The following DGKB variants were observed in gnomAD, a reference collection of about 807,000 sequenced individuals.
DGKB encodes the protein diacylglycerol kinase beta.
A neutral mutation model predicts 114.3 loss-of-function variants in DGKB; 67 were observed. The observed-to-expected ratio is 0.59, with a 90% confidence interval of 0.48 to 0.72. DGKB has a LOEUF of 0.72. Ranked by LOEUF, DGKB falls within the 30% of genes least tolerant of loss-of-function variation. DGKB has a pLI of 0.00. For synonymous variants in DGKB, 398 were observed against 323.1 expected, an observed-to-expected ratio of 1.23 and a Z score of -2.49; for missense variants, 907 against 975.2, an observed-to-expected ratio of 0.93 and a Z score of 0.93.
intron 23 of DGKB, among the ~76,000 whole-genome samples, chr7:14,336,786 G>A (rs1810753438): frequency 1.3e-5 from 2 of 152,252 alleles, no homozygotes; most frequent in South Asian, 2.1e-4. Context: ...GCTCCAGAGC[G>A]AGTGTACAGA....
chr7:14,189,236 A>G (rs1219220323), intron 23 of DGKB, among the ~76,000 whole-genome samples: 1 of 152,202 alleles, frequency 6.6e-6, no homozygotes, highest in Non-Finnish European at 1.5e-5. Flanking sequence ...GGAACACACC[A>G]CAGATAAAGA....
Position 14,216,955 on chromosome 7 carries a change from A to G in DGKB, c.2123-38804T>C, listed in dbSNP as rs768353240. On this transcript the variant is annotated intron_variant, in intron 23 of 25. Transcript: ENST00000402815. ...TTTTCTATACAGTTTATCAGTTTTTATGTAGTACACTGAACAAGAAAAATG... is the reference window on the plus strand; with the variant it reads ...TTTTCTATACAGTTTATCAGTTTTTGTGTAGTACACTGAACAAGAAAAATG... 9.3e-4 allele frequency among the ~76,000 whole-genome samples: 141 copies of G among 152,180 alleles called. 1 individual carries two copies. Among genetic ancestry groups the G allele is most frequent in the Middle Eastern group, 6.8e-3 (2 of 294 alleles).
chr7:14,791,981 T>C (rs750742075), intron 2 of DGKB, among the ~76,000 whole-genome samples: 1 of 152,158 alleles, frequency 6.6e-6, no homozygotes, highest in African/African-American at 2.4e-5. Context: ...CTTTATAATA[T>C]GAATTGCTGA....
chr7:14,791,690 A>T (rs1343930696), intron 2 of DGKB, among the ~76,000 whole-genome samples: 1 of 152,080 alleles, frequency 6.6e-6, no homozygotes, highest in Non-Finnish European at 1.5e-5. Context: ...TAATTATGAA[A>T]TTTTTATTTT....
intron 21 of DGKB, among the ~76,000 whole-genome samples, chr7:14,351,311 G>C (rs1195032870): frequency 6.6e-6 from 1 of 152,210 alleles, no homozygotes; most frequent in Non-Finnish European, 1.5e-5. Context: ...GCCCTGGTGG[G>C]ACCTGATTCA....
intron 23 of DGKB, among the ~76,000 whole-genome samples, chr7:14,208,002 CT>C (rs1270699701): frequency 1.3e-5 from 2 of 152,144 alleles, no homozygotes; most frequent in African/African-American, 4.8e-5. Flanking sequence ...AAGCTCTACT[CT>C]ATGATATTCT....
intron 2 of DGKB, among the ~76,000 whole-genome samples, chr7:14,774,839 T>C (rs1220250935): frequency 1.3e-5 from 2 of 152,202 alleles, no homozygotes; most frequent in African/African-American, 4.8e-5. Flanking sequence ...CCATCACAGA[T>C]TTCTTTGCAT....
intron 2 of DGKB, among the ~76,000 whole-genome samples, chr7:14,817,927 T>A (rs905632884): frequency 2.4e-5 from 3 of 125,564 alleles, no homozygotes; most frequent in Non-Finnish European, 4.8e-5. Flanking sequence ...AAGAATCAAT[T>A]CTGGTGACAA....
chr7:14,483,390 T>G (rs897273793), intron 20 of DGKB, among the ~76,000 whole-genome samples: 12 of 152,236 alleles, frequency 7.9e-5, no homozygotes, highest in African/African-American at 2.9e-4. Context: ...AAGTGTCATC[T>G]GTATCTGATT....
intron 23 of DGKB, among the ~76,000 whole-genome samples, chr7:14,296,162 G>C (rs1188478958): frequency 3.3e-5 from 5 of 151,766 alleles, no homozygotes; most frequent in Non-Finnish European, 7.4e-5. Context: ...CTCCTGAGTA[G>C]CTGGGACTAC....
chr7:14,769,281 A>AGAAAGAAAGAAAGATT (rs1460584162), intron 2 of DGKB, among the ~76,000 whole-genome samples: 6 of 149,316 alleles, frequency 4.0e-5, no homozygotes, highest in Admixed American at 2.0e-4. Context: ...AAAGAAAGAA[A>AGAAAGAAAGAAAGATT]GATTTTGTAA....
chr7:14,737,318 GT>G (rs1831877399), intron 4 of DGKB, among the ~76,000 whole-genome samples: 1 of 97,784 alleles, frequency 1.0e-5, no homozygotes, highest in Non-Finnish European at 2.0e-5. Context: ...TTTTTACCCA[GT>G]TTAATGTGCT....
chr7:14,335,998 C>T (rs2128568540), intron 23 of DGKB, among the ~76,000 whole-genome samples: 1 of 152,254 alleles, frequency 6.6e-6, no homozygotes, highest in East Asian at 1.9e-4. Flanking sequence ...CCTGCCTTGG[C>T]CTCCCAAAGT....
intron 25 of DGKB, among the ~76,000 whole-genome samples, chr7:14,170,570 G>A (rs538811313): frequency 5.3e-4 from 81 of 152,212 alleles, no homozygotes; most frequent in Non-Finnish European, 9.4e-4. Context: ...AACTTGCTGG[G>A]TCTTGAAAAA....
intron 23 of DGKB, among the ~76,000 whole-genome samples, chr7:14,216,448 G>A (rs557218895): frequency 2.6e-5 from 4 of 151,996 alleles, no homozygotes; most frequent in South Asian, 4.2e-4. Flanking sequence ...ATAGCAGGCC[G>A]GGCACAGTGG....
chr7:14,880,393 G>A (rs537206170), intron 1 of DGKB, among the ~76,000 whole-genome samples: 1 of 152,152 alleles, frequency 6.6e-6, no homozygotes, highest in Admixed American at 6.5e-5. Flanking sequence ...GGGAGGCGTA[G>A]GTTGCTCTGA....
At chr7:14,809,309 T>C (rs1197981874) in intron 2 of DGKB, among the ~76,000 whole-genome samples, 3 of 152,100 alleles carry the variant, frequency 2.0e-5, no homozygotes, top group Non-Finnish European at 1.5e-5. Flanking sequence ...ATAGTCCTAG[T>C]GCTCCTCAAT....
At chr7:14,382,473 CAT>C (rs1563066850) in intron 21 of DGKB, among the ~76,000 whole-genome samples, 1 of 151,358 alleles carries the variant, frequency 6.6e-6, no homozygotes, top group Non-Finnish European at 1.5e-5. Context: ...CACACAGACA[CAT>C]ACACACATAT....
At chr7:14,846,815 C>T (rs1347392629) in intron 1 of DGKB, among the ~76,000 whole-genome samples, 2 of 152,198 alleles carry the variant, frequency 1.3e-5, no homozygotes, top group East Asian at 3.9e-4. Context: ...GGCTAAAGCA[C>T]AATCCCTATA....
Sources: allele counts gnomAD v4.1 joint callset (sites outside exome capture counted in the v4.1 genomes callset), GRCh38; gene constraint gnomAD v4.1.1; transcripts MANE v1.5; gene names NCBI Gene and HGNC (gene_info 2026-07-23, HGNC 2026-07-21).